Variants in GALNTL6 observed in about 807,000 individuals in gnomAD.
GALNTL6 encodes polypeptide N-acetylgalactosaminyltransferase like 6.
Under a neutral mutation model 73.7 loss-of-function variants are expected in GALNTL6, and 46 were observed. That is an observed-to-expected ratio of 0.62 (90% CI 0.49 to 0.80). The LOEUF is 0.80. Among genes scored for constraint, GALNTL6 ranks in the 30% least tolerant of loss-of-function variants. The pLI is 0.00. For missense variants in GALNTL6, 604 were observed against 755.0 expected (o/e 0.80, Z 2.34); for synonymous variants, 259 against 263.7 (o/e 0.98, Z 0.17).
At position 172,135,826 on chromosome 4, in the gene GALNTL6, A is replaced by T. The variant is rs114579274; in HGVS notation, c.139-93830A>T. Reference sequence around the variant, plus strand: ...TAATGATATGCAAACTTCTTGATCAAGCACCCTAAATATCACATTCCTCTC... The same window carrying T: ...TAATGATATGCAAACTTCTTGATCATGCACCCTAAATATCACATTCCTCTC... On this transcript the variant is annotated intron_variant, in intron 2 of 12. Transcript: ENST00000506823. Among the ~76,000 whole-genome samples, 468 of 152,282 alleles carry T rather than the reference A, an allele frequency of 3.1e-3. 4 individuals carry two copies. The highest frequency in any genetic ancestry group is 0.011 in the African/African-American group (453 of 41,576).
chr4:172,205,570 GAA>G (rs1273722964), intron 2 of GALNTL6, among the ~76,000 whole-genome samples: 2 of 152,202 alleles, frequency 1.3e-5, no homozygotes, highest in African/African-American at 2.4e-5. Flanking sequence ...TTCTGACAAA[GAA>G]AAGACTCTCA....
intron 10 of GALNTL6, among the ~76,000 whole-genome samples, chr4:172,989,122 A>C (rs1016665387): frequency 2.6e-5 from 4 of 152,296 alleles, no homozygotes; most frequent in African/African-American, 7.2e-5. Flanking sequence ...GGCAGCTTGC[A>C]CTGTGCACAT....
At chr4:172,861,226 C>CTTT (rs1216954657) in intron 7 of GALNTL6, among the ~76,000 whole-genome samples, 2 of 151,866 alleles carry the variant, frequency 1.3e-5, no homozygotes, top group South Asian at 2.1e-4. Context: ...GAGAAATAAA[C>CTTT]TTTTTGTTTC....
chr4:171,831,923 A>C (rs2110825831), intron 2 of GALNTL6, among the ~76,000 whole-genome samples: 2 of 151,686 alleles, frequency 1.3e-5, no homozygotes, highest in South Asian at 4.2e-4. Flanking sequence ...TGTTTTGGAC[A>C]CAAAAGTATT....
chr4:172,496,481 GGA>G (rs1299378564), intron 5 of GALNTL6, among the ~76,000 whole-genome samples: 3 of 152,032 alleles, frequency 2.0e-5, no homozygotes, highest in Non-Finnish European at 4.4e-5. Flanking sequence ...CTTGGGACCA[GGA>G]GTTCAACACA....
intron 2 of GALNTL6, among the ~76,000 whole-genome samples, chr4:171,844,965 A>G (rs1049188835): frequency 6.6e-6 from 1 of 152,122 alleles, no homozygotes; most frequent in Non-Finnish European, 1.5e-5. Flanking sequence ...CAGGTTTGCT[A>G]GTCTCCAACC....
chr4:172,951,126 C>A (rs1357114294), intron 9 of GALNTL6, among the ~76,000 whole-genome samples: 9 of 152,194 alleles, frequency 5.9e-5, no homozygotes, highest in Non-Finnish European at 2.9e-5. Context: ...AATCCTGCAC[C>A]CTTTTTGCAG....
intron 5 of GALNTL6, among the ~76,000 whole-genome samples, chr4:172,744,573 T>C (rs549867886): frequency 1.1e-4 from 17 of 152,234 alleles, no homozygotes; most frequent in Non-Finnish European, 2.4e-4. Context: ...AATAAAGTAA[T>C]AAGTTAGTAG....
chr4:171,829,807 G>GA (rs1306266350), intron 2 of GALNTL6, among the ~76,000 whole-genome samples: 1 of 152,024 alleles, frequency 6.6e-6, no homozygotes, highest in Non-Finnish European at 1.5e-5. Context: ...TGGCACCTAA[G>GA]AAGATATGCT....
At chr4:172,518,815 C>G (rs1734688482) in intron 5 of GALNTL6, among the ~76,000 whole-genome samples, 1 of 151,766 alleles carries the variant, frequency 6.6e-6, no homozygotes, top group Admixed American at 6.6e-5. Context: ...TATAGTTATT[C>G]TGATATGATT....
At chr4:171,942,472 T>A (rs1034404155) in intron 2 of GALNTL6, among the ~76,000 whole-genome samples, 1 of 152,180 alleles carries the variant, frequency 6.6e-6, no homozygotes, top group African/African-American at 2.4e-5. Flanking sequence ...ACTATTACTC[T>A]GCTTAATTCT....
At chr4:172,609,982 A>G (rs1050941431) in intron 5 of GALNTL6, among the ~76,000 whole-genome samples, 5 of 151,990 alleles carry the variant, frequency 3.3e-5, no homozygotes, top group African/African-American at 1.2e-4. Context: ...TTGTGTGCAT[A>G]GAGGTATTCA....
intron 5 of GALNTL6, among the ~76,000 whole-genome samples, chr4:172,558,513 G>A (rs147906614): frequency 2.0e-5 from 3 of 152,138 alleles, no homozygotes; most frequent in Non-Finnish European, 2.9e-5. Context: ...AAAAGATGAT[G>A]TGAGGATACA....
chr4:172,660,582 T>C (rs1257535136), intron 5 of GALNTL6, among the ~76,000 whole-genome samples: 2 of 152,096 alleles, frequency 1.3e-5, no homozygotes, highest in African/African-American at 4.8e-5. Context: ...TAACAGTGAG[T>C]GAGTTATAGC....
chr4:172,812,542 C>T (rs1741369324), intron 6 of GALNTL6, among the ~76,000 whole-genome samples: 1 of 152,014 alleles, frequency 6.6e-6, no homozygotes, highest in South Asian at 2.1e-4. Flanking sequence ...AATGCCAGTG[C>T]CCTTTGCCAG....
chr4:172,410,516 CA>C (rs1436194657), intron 5 of GALNTL6, among the ~76,000 whole-genome samples: 1 of 151,978 alleles, frequency 6.6e-6, no homozygotes, highest in Non-Finnish European at 1.5e-5. Flanking sequence ...TTTATGCCAC[CA>C]GTTTTATATA....
chr4:171,856,106 A>AGTT (rs1216659736), intron 2 of GALNTL6, among the ~76,000 whole-genome samples: 1 of 151,688 alleles, frequency 6.6e-6, no homozygotes, highest in Admixed American at 6.6e-5. Flanking sequence ...TTGTTGTTGT[A>AGTT]GTTGTTGTTG....
At chr4:172,771,610 A>G (rs1738765568) in intron 5 of GALNTL6, among the ~76,000 whole-genome samples, 1 of 152,138 alleles carries the variant, frequency 6.6e-6, no homozygotes, top group African/African-American at 2.4e-5. Context: ...ACTTTGAATC[A>G]TCGTTTTCTC....
chr4:172,331,570 T>C lies in GALNTL6; in HGVS notation c.387-16953T>C, dbSNP rs181705476. Among the ~76,000 whole-genome samples, 122 of 152,338 alleles carry C rather than the reference T, an allele frequency of 8.0e-4. 2 individuals carry two copies. In the South Asian group the frequency reaches 0.016, roughly 20 times the overall value. On this transcript the variant is annotated intron_variant, in intron 4 of 12. Transcript: ENST00000506823. ...TCCCTCTATCCACTGGCAACCATTC[T>C]ACTCTTTTGTTCTATGGATTTGATT... is the stretch of plus-strand genomic sequence containing the variant.
Sources: gnomAD v4.1 joint callset for allele counts (sites outside exome capture counted in the v4.1 genomes callset) on GRCh38, gnomAD v4.1.1 for gene constraint, MANE v1.5 for transcripts, NCBI Gene and HGNC (gene_info 2026-07-23, HGNC 2026-07-21) for gene names.